CNOT10: variants seen among roughly 807,000 people sequenced by gnomAD.
The protein encoded by CNOT10 is CCR4-NOT transcription complex subunit 10.
In CNOT10, 30 loss-of-function variants were observed where a neutral mutation model predicts 94.6. That is an observed-to-expected ratio of 0.32 (90% CI 0.24 to 0.43). The LOEUF is 0.43. Among genes scored for constraint, CNOT10 ranks in the 20% least tolerant of loss-of-function variants. CNOT10 has a pLI of 1.00. For missense variants in CNOT10, 759 were observed against 877.2 expected, an observed-to-expected ratio of 0.87 and a Z score of 1.70; for synonymous variants, 289 against 301.6, an observed-to-expected ratio of 0.96 and a Z score of 0.43.
chr3:32,713,088 C>CT, intron 4 of CNOT10, 139 bp from the exon 5 acceptor site: 1 of 600,282 alleles, frequency 1.7e-6, no homozygotes, highest in Non-Finnish European at 2.8e-6. Flanking sequence ...TCATTCGTGG[C>CT]TCTAGGTGAT....
chr3:32,728,245 C>T (rs576337731), intron 10 of CNOT10, among the ~76,000 whole-genome samples: 2 of 152,200 alleles, frequency 1.3e-5, no homozygotes, highest in South Asian at 4.1e-4. Flanking sequence ...ATCTAGCCAC[C>T]TCAGCCTCCC....
intron 1 of CNOT10, among the ~76,000 whole-genome samples, chr3:32,691,099 G>C (rs1474649539): frequency 7.0e-6 from 1 of 143,286 alleles, no homozygotes; most frequent in Non-Finnish European, 1.5e-5. Context: ...GAGTTCAAGC[G>C]ATTCTCTTGC....
In CNOT10 at chr3:32,773,615, T is replaced by C. The variant is rs1701004815; in HGVS notation, c.*4T>C. ...CACCACTGTGCAGAGAAAGTGATAC[T>C]TCACTTTTGGAAAACTGTTACCTGA... is the stretch of plus-strand genomic sequence containing the variant. On this transcript the variant is annotated 3_prime_UTR_variant, in exon 19 of 19. Transcript: ENST00000328834. 1.2e-6 allele frequency: 2 copies of C among 1,602,420 alleles called. No homozygotes were observed. The highest frequency in any genetic ancestry group is 8.5e-7 in the Non-Finnish European group (1 of 1,174,888).
intron 13 of CNOT10, among the ~76,000 whole-genome samples, chr3:32,741,508 G>T (rs764694631): frequency 1.3e-5 from 2 of 152,026 alleles, no homozygotes; most frequent in Admixed American, 1.3e-4. Context: ...GGTGGCTCAC[G>T]TCTGTAATCC....
intron 13 of CNOT10, among the ~76,000 whole-genome samples, chr3:32,749,908 A>G (rs1484795506): frequency 6.6e-6 from 1 of 152,090 alleles, no homozygotes. Context: ...GAAGGAAGGA[A>G]AGGAGGGAAG....
rs1700076996 is a variant in CNOT10 at position 32,753,914 on chromosome 3, G to GCT, written c.1596-5540_1596-5539dup. 5 of 1,128,584 alleles carry GCT rather than the reference G, an allele frequency of 4.4e-6. No individual in the cohort carries two copies. In the African/African-American group the frequency reaches 4.8e-5, roughly 11 times the overall value. The allele number at this position is 1,128,584 out of a possible 1,614,324, so 69.9% of individuals were successfully genotyped here. A position where few individuals can be genotyped will look rare whatever the true frequency, so the allele number is the denominator to read the frequency against. ...GAAAAAGTACTAAATAAATTAATTTGCTCTCACACACACACACACACAAAA... is the reference window on the plus strand; with the variant it reads ...GAAAAAGTACTAAATAAATTAATTTGCTCTCTCACACACACACACACACAAAA... On this transcript the variant is annotated intron_variant, in intron 13 of 18. Transcript: ENST00000328834.
intron 4 of CNOT10, 45 bp from the exon 5 acceptor site, chr3:32,713,182 T>C: frequency 6.7e-7 from 1 of 1,498,232 alleles, no homozygotes; most frequent in Non-Finnish European, 8.9e-7. Context: ...ATGTGTGCTT[T>C]ACTTTAGGTT....
chr3:32,747,354 T>C (rs1325612013), intron 13 of CNOT10, among the ~76,000 whole-genome samples: 1 of 151,496 alleles, frequency 6.6e-6, no homozygotes, highest in Non-Finnish European at 1.5e-5. Flanking sequence ...GAGGTGGAGG[T>C]GGAGGTTGCA....
chr3:32,754,489 A>AAATATATATATATATAT (rs77878221), intron 13 of CNOT10, among the ~76,000 whole-genome samples: 1 of 70,220 alleles, frequency 1.4e-5, no homozygotes, highest in Non-Finnish European at 2.2e-5. Flanking sequence ...AAAAAAAAAA[A>AAATATATATATATATAT]ATACATATAT....
In CNOT10 at chr3:32,717,168, T is replaced by A. The variant is rs1021637375; in HGVS notation, c.675T>A (p.Ala225=). Residue 225 remains alanine, a synonymous_variant, in exon 7 of 19, where the codon GCT becomes GCA. Transcript: ENST00000328834. Reference sequence around the variant, plus strand: ...CCCTTTGACAGTACAAAGTACGAGCTTATATCCAAATGAAGTCTCTGAAAG... The same window carrying A: ...CCCTTTGACAGTACAAAGTACGAGCATATATCCAAATGAAGTCTCTGAAAG... ...KSKIHQYKVR[A]YIQMKSLKAC... 1 of 1,603,392 alleles carries A rather than the reference T, an allele frequency of 6.2e-7. No individual in the cohort carries two copies. Among genetic ancestry groups the A allele is most frequent in the African/African-American group, 1.3e-5 (1 of 74,660 alleles).
chr3:32,761,606 A>T (rs1243762680), intron 14 of CNOT10, among the ~76,000 whole-genome samples: 1 of 151,242 alleles, frequency 6.6e-6, no homozygotes, highest in East Asian at 2.0e-4. Flanking sequence ...CCCAGGCTGG[A>T]GTGCAGTGGC....
chr3:32,743,504 C>T (rs1246158302), intron 13 of CNOT10, among the ~76,000 whole-genome samples: 1 of 151,984 alleles, frequency 6.6e-6, no homozygotes, highest in Non-Finnish European at 1.5e-5. Flanking sequence ...CATGGTGGCA[C>T]ACACCTGCAG....
At chr3:32,773,310 C>T in intron 18 of CNOT10, 147 bp from the exon 19 acceptor site, 4 of 766,878 alleles carry the variant, frequency 5.2e-6, no homozygotes, top group South Asian at 2.2e-5. Context: ...AAGATGGAGG[C>T]TTTATGGGAT....
intron 1 of CNOT10, among the ~76,000 whole-genome samples, chr3:32,703,419 A>G (rs1239837856): frequency 1.3e-5 from 2 of 152,204 alleles, no homozygotes; most frequent in East Asian, 1.9e-4. Flanking sequence ...TAATACGTAC[A>G]TAACTATGAT....
chr3:32,748,886 A>G (rs1453888592), intron 13 of CNOT10, among the ~76,000 whole-genome samples: 1 of 151,162 alleles, frequency 6.6e-6, no homozygotes, highest in Non-Finnish European at 1.5e-5. Flanking sequence ...GCTGGAGTGC[A>G]GTGGCACAGT....
At position 32,712,166 on chromosome 3, in the gene CNOT10, T is replaced by TG. The variant is rs549869875; in HGVS notation, c.431-1061_431-1060insG. ...TTCTGTAATCAGGTGTTTGTTTGTT[T>TG]TTTTTTTTTTTCCATCTCCATGACC... On this transcript the variant is annotated intron_variant, in intron 4 of 18. Transcript: ENST00000328834. 2.7e-3 allele frequency among the ~76,000 whole-genome samples: 394 copies of TG among 143,736 alleles called. 3 individuals are homozygous for TG. The highest frequency in any genetic ancestry group is 0.024 in the South Asian group (107 of 4,416). The allele number at this position is 143,736 out of a possible 152,430, so 94.3% of individuals were successfully genotyped here.
chr3:32,733,308 C>G (rs773805431), intron 10 of CNOT10, 115 bp from the exon 11 acceptor site: 2 of 783,780 alleles, frequency 2.6e-6, no homozygotes, highest in Non-Finnish European at 3.9e-6. Context: ...AAAAAGTCCT[C>G]ATTGACTTTA....
intron 1 of CNOT10, chr3:32,695,843 TTATAAA>T: frequency 2.0e-6 from 3 of 1,520,908 alleles, no homozygotes; most frequent in Middle Eastern, 3.4e-4. Flanking sequence ...AAGTCAGTAG[TTATAAA>T]TAATAAATGT....
At chr3:32,701,537 G>A (rs1171099382) in intron 1 of CNOT10, among the ~76,000 whole-genome samples, 4 of 152,148 alleles carry the variant, frequency 2.6e-5, no homozygotes, top group African/African-American at 9.7e-5. Context: ...ACTGGATCAT[G>A]GGGGTGGATT....
Sources: gnomAD v4.1 joint callset for allele counts (sites outside exome capture counted in the v4.1 genomes callset) on GRCh38, gnomAD v4.1.1 for gene constraint, MANE v1.5 for transcripts, NCBI Gene and HGNC (gene_info 2026-07-23, HGNC 2026-07-21) for gene names.